SAXO1: variants seen among roughly 807,000 people sequenced by gnomAD.
SAXO1 encodes stabilizer of axonemal microtubules 1.
SAXO1 carries 21 observed loss-of-function variants against 17.5 expected under a neutral mutation model. The observed-to-expected ratio is 1.20, with a 90% CI of 0.85 to 1.72. The LOEUF (loss-of-function observed/expected upper bound fraction) is 1.72. Among genes scored for constraint, SAXO1 ranks in the 40% most tolerant of loss-of-function variants. The pLI, the probability that SAXO1 is intolerant of heterozygous loss-of-function variation, is 0.00. For missense variants in SAXO1, 843 were observed against 596.0 expected, an observed-to-expected ratio of 1.41 and a Z score of -4.32; for synonymous variants, 274 against 216.5, an observed-to-expected ratio of 1.27 and a Z score of -2.33.
In SAXO1 at chr9:19,039,152, G is replaced by A. The variant is rs886257492; in HGVS notation, c.-158+10057C>T. On this transcript the variant is annotated intron_variant, in intron 1 of 3. Transcript: ENST00000542071. ...CCTGCCTCAAAAGAAAAAAAAAAAA[G>A]AAAATATTAGCAAACTGAAACCAGC... Among the ~76,000 whole-genome samples, 7 of 151,260 alleles carry A rather than the reference G, an allele frequency of 4.6e-5. No homozygotes were observed. In the East Asian group the frequency reaches 1.4e-3, roughly 29 times the overall value.
intron 1 of SAXO1, 36 bp downstream of exon 1, chr9:19,032,835 G>C (rs774092115): frequency 2.5e-6 from 4 of 1,604,192 alleles, no homozygotes; most frequent in Middle Eastern, 1.7e-4. Context: ...GAAAACCCAG[G>C]CTCCCCCAGC....
chr9:19,000,275 C>T (rs74521438), intron 1 of SAXO1, among the ~76,000 whole-genome samples: 2,642 of 143,950 alleles, frequency 0.018, 78 homozygotes, highest in African/African-American at 0.062. Context: ...ACGTGAGGAG[C>T]GCCTCTGCCC....
In SAXO1 at chr9:19,023,378, G is replaced by A. The variant is rs147325837; in HGVS notation, c.38+9493C>T. Among the ~76,000 whole-genome samples the A allele has an allele frequency of 3.2e-3, 493 of 152,194 alleles. 2 individuals are homozygous for A. Among genetic ancestry groups the A allele is most frequent in the African/African-American group, 0.011 (439 of 41,528 alleles). On this transcript the variant is annotated intron_variant, in intron 1 of 3. Coordinates refer to ENST00000380534, the MANE Select transcript of SAXO1 (RefSeq NM_153707.4). Reference sequence around the variant, plus strand: ...TACCTATGCCTTACTGTGGATGCACGCATTGTTCTACTTGCTTAATACTGA... The same window carrying A: ...TACCTATGCCTTACTGTGGATGCACACATTGTTCTACTTGCTTAATACTGA...
intron 1 of SAXO1, among the ~76,000 whole-genome samples, chr9:18,991,252 C>T (rs1833798517): frequency 6.6e-6 from 1 of 152,164 alleles, no homozygotes; most frequent in Non-Finnish European, 1.5e-5. Flanking sequence ...CAGAGCGAGA[C>T]TCACACATGC....
intron 1 of SAXO1, among the ~76,000 whole-genome samples, chr9:18,998,933 C>T (rs1834128350): frequency 6.6e-6 from 1 of 152,202 alleles, no homozygotes; most frequent in African/African-American, 2.4e-5. Context: ...CCAGGCCTGC[C>T]TTACAAGAGC....
At chr9:18,953,831 C>A (rs938428548) in intron 1 of SAXO1, among the ~76,000 whole-genome samples, 4 of 152,184 alleles carry the variant, frequency 2.6e-5, no homozygotes, top group African/African-American at 9.7e-5. Context: ...AGAAAGATAT[C>A]TAGAAGTTAT....
At chr9:18,979,074 T>A (rs970667641) in intron 1 of SAXO1, among the ~76,000 whole-genome samples, 2 of 152,196 alleles carry the variant, frequency 1.3e-5, no homozygotes, top group African/African-American at 4.8e-5. Context: ...TTATATATGT[T>A]GAATCTATTC....
At chr9:19,014,605 A>G (rs940564888) in intron 1 of SAXO1, among the ~76,000 whole-genome samples, 5 of 152,222 alleles carry the variant, frequency 3.3e-5, no homozygotes, top group African/African-American at 7.2e-5. Context: ...AGAACCAAGT[A>G]GCTCAAAGAA....
intron 1 of SAXO1, among the ~76,000 whole-genome samples, chr9:18,961,258 C>G (rs888593164): frequency 1.3e-5 from 2 of 151,870 alleles, no homozygotes; most frequent in Admixed American, 1.3e-4. Flanking sequence ...ACAGCCTCAA[C>G]CTCCCGGGCT....
chr9:18,929,474 C>A (rs1227892215), intron 3 of SAXO1, among the ~76,000 whole-genome samples: 1 of 152,196 alleles, frequency 6.6e-6, no homozygotes. Flanking sequence ...AAATTCACAA[C>A]CCACCACTGG....
intron 2 of SAXO1, among the ~76,000 whole-genome samples, chr9:18,945,956 A>G (rs551789884): frequency 1.3e-5 from 2 of 152,284 alleles, no homozygotes; most frequent in Admixed American, 1.3e-4. Flanking sequence ...CAGATCTTTT[A>G]GGTAATCACC....
At chr9:18,970,091 G>T (rs746554873) in intron 1 of SAXO1, among the ~76,000 whole-genome samples, 3 of 152,334 alleles carry the variant, frequency 2.0e-5, no homozygotes, top group Non-Finnish European at 2.9e-5. Flanking sequence ...GCAAGTGGAT[G>T]GGACCCAGTG....
At chr9:19,039,035 T>C (rs2131067644) in intron 1 of SAXO1, among the ~76,000 whole-genome samples, 1 of 152,160 alleles carries the variant, frequency 6.6e-6, no homozygotes, top group South Asian at 2.1e-4. Flanking sequence ...AACTTATTGC[T>C]GTATACCATC....
intron 1 of SAXO1, among the ~76,000 whole-genome samples, chr9:19,022,488 T>C (rs1340979847): frequency 1.3e-5 from 2 of 152,248 alleles, no homozygotes; most frequent in Non-Finnish European, 2.9e-5. Context: ...ACTCTGCTCT[T>C]CATTTGGAGC....
At chr9:18,960,595 T>G (rs1297724985) in intron 1 of SAXO1, among the ~76,000 whole-genome samples, 2 of 152,082 alleles carry the variant, frequency 1.3e-5, no homozygotes, top group African/African-American at 4.8e-5. Context: ...CTGGGTAACA[T>G]GGTGAAACCC....
intron 1 of SAXO1, among the ~76,000 whole-genome samples, chr9:18,978,394 T>G (rs1173079530): frequency 6.6e-6 from 1 of 152,220 alleles, no homozygotes. Context: ...TGTTCTGGCC[T>G]GAAGAGCTCA....
At position 18,950,744 on chromosome 9, in the gene SAXO1, C is replaced by G. The variant is rs112028517; in HGVS notation, c.218+14G>C. ...TTGTATGTACCTGCATACATTAATA[C>G]TGTTTGCCCTCACCTTGATGTAGTC... On this transcript the variant is annotated intron_variant, in intron 2 of 3. Transcript: ENST00000380534. 2 of 1,607,396 alleles carry G rather than the reference C, an allele frequency of 1.2e-6. No homozygotes were observed. The highest frequency in any genetic ancestry group is 2.7e-5 in the African/African-American group (2 of 74,670).
chr9:19,001,741 A>C (rs1345009459), intron 1 of SAXO1, among the ~76,000 whole-genome samples: 1 of 152,158 alleles, frequency 6.6e-6, no homozygotes, highest in Non-Finnish European at 1.5e-5. Flanking sequence ...GACACATTTA[A>C]AGCAGTGTGT....
At chr9:18,935,791 C>A (rs10963846) in intron 3 of SAXO1, among the ~76,000 whole-genome samples, 69,775 of 151,962 alleles carry the variant, frequency 0.46, 17,860 homozygotes, top group African/African-American at 0.7. Flanking sequence ...TGCCATTAAG[C>A]TCACTATTGT....
Sources: allele counts gnomAD v4.1 joint callset (sites outside exome capture counted in the v4.1 genomes callset), GRCh38; gene constraint gnomAD v4.1.1; transcripts MANE v1.5; gene names NCBI Gene and HGNC (gene_info 2026-07-23, HGNC 2026-07-21).